Variants in LRRC53 observed in about 807,000 individuals in gnomAD.
LRRC53 encodes the protein leucine-rich repeat-containing protein 53.
LRRC53 carries 25 observed loss-of-function variants against 13.6 expected under a neutral mutation model. That is an observed-to-expected ratio of 1.83 (90% CI 1.34 to 2.56). The LOEUF (loss-of-function observed/expected upper bound fraction) is 2.56. Among genes scored for constraint, LRRC53 ranks in the 30% most tolerant of loss-of-function variants. LRRC53 has a pLI of 0.00. For synonymous variants in LRRC53, 204 were observed against 109.8 expected (o/e 1.86, Z -5.37); for missense variants, 527 against 275.8 (o/e 1.91, Z -6.45).
the LRRC53 span, among the ~76,000 whole-genome samples, chr1:74,533,284 T>G: frequency 6.6e-6 from 1 of 152,228 alleles, no homozygotes; most frequent in Middle Eastern, 3.4e-3. Flanking sequence ...AAGAAGACAT[T>G]TATGCAGCCA....
intron 1 of LRRC53, among the ~76,000 whole-genome samples, chr1:74,498,300 A>G (rs747832664): frequency 1.3e-5 from 2 of 152,112 alleles, no homozygotes; most frequent in Non-Finnish European, 2.9e-5. Context: ...AATTATCTCA[A>G]TCAGCGTAAT....
chr1:74,481,748 A>G (rs906870186), intron 2 of LRRC53, among the ~76,000 whole-genome samples: 12 of 152,324 alleles, frequency 7.9e-5, no homozygotes, highest in Middle Eastern at 3.4e-3. Context: ...TTTTAACTCA[A>G]TAAAGAAGTA....
intron 1 of LRRC53, among the ~76,000 whole-genome samples, chr1:74,501,262 C>T (rs1669610268): frequency 6.6e-6 from 1 of 152,080 alleles, no homozygotes; most frequent in South Asian, 2.1e-4. Flanking sequence ...GTGTTGTTTA[C>T]TTTGTTCATT....
At chr1:74,490,882 G>C (rs528442181) in intron 1 of LRRC53, among the ~76,000 whole-genome samples, 2 of 152,274 alleles carry the variant, frequency 1.3e-5, no homozygotes, top group East Asian at 3.9e-4. Context: ...TCCTGCAGCA[G>C]AGCCAAAGAA....
chr1:74,493,001 A>G (rs1466917888), intron 1 of LRRC53, among the ~76,000 whole-genome samples: 1 of 152,042 alleles, frequency 6.6e-6, no homozygotes, highest in African/African-American at 2.4e-5. Context: ...TTATCTTCTT[A>G]TAAGGGCACC....
At chr1:74,494,396 T>G (rs1238567001) in intron 1 of LRRC53, among the ~76,000 whole-genome samples, 1 of 152,334 alleles carries the variant, frequency 6.6e-6, no homozygotes, top group East Asian at 1.9e-4. Flanking sequence ...GTCTTTAATC[T>G]ATAAAATGTC....
At chr1:74,479,167 C>T (rs1430790598) in intron 3 of LRRC53, among the ~76,000 whole-genome samples, 1 of 152,138 alleles carries the variant, frequency 6.6e-6, no homozygotes, top group African/African-American at 2.4e-5. Flanking sequence ...TCTCTCCCCA[C>T]CCCCTCATCA....
rs527600057 is a variant in LRRC53 at position 74,473,158 on chromosome 1, C to T, written c.1421-957G>A. Among the ~76,000 whole-genome samples the T allele has an allele frequency of 2.1e-4, 32 of 152,262 alleles. No homozygotes were observed. In the East Asian group the frequency reaches 6.2e-3, roughly 29 times the overall value. ...CACATGCTAAGAGCTAGGCATTGTG[C>T]TCATAATGTACGTTCATCATCTCTT... is the stretch of plus-strand genomic sequence containing the variant. On this transcript the variant is annotated intron_variant, in intron 4 of 4. Coordinates refer to ENST00000294635, the MANE Select transcript of LRRC53 (RefSeq NM_001382280.1).
the LRRC53 span, among the ~76,000 whole-genome samples, chr1:74,519,560 T>C: frequency 6.9e-3 from 876 of 126,348 alleles, 32 homozygotes; most frequent in Non-Finnish European, 8.4e-3. Flanking sequence ...TCCTGACTTT[T>C]TAATGATTGC....
upstream of LRRC53, among the ~76,000 whole-genome samples, chr1:74,515,089 T>C (rs1037488312): frequency 1.3e-5 from 2 of 152,194 alleles, no homozygotes; most frequent in Non-Finnish European, 2.9e-5. Flanking sequence ...CTCAGAATAT[T>C]CCTTCAGAAA....
rs116308490 is a variant in LRRC53 at position 74,498,095 on chromosome 1, T to C, written c.-27+14431A>G. On this transcript the variant is annotated intron_variant, in intron 1 of 4. Transcript: ENST00000294635. ...GGTTTCTCCAATGTTTTGGGCAATC[T>C]CAAAAAACAAAAAATTATCTTACAC... is the stretch of plus-strand genomic sequence containing the variant. 9.1e-3 allele frequency among the ~76,000 whole-genome samples: 1,385 copies of C among 152,234 alleles called. 24 individuals are homozygous for C. Among genetic ancestry groups the C allele is most frequent in the African/African-American group, 0.032 (1,339 of 41,542 alleles).
At chr1:74,490,159 C>T (rs1278779751) in intron 1 of LRRC53, among the ~76,000 whole-genome samples, 3 of 150,494 alleles carry the variant, frequency 2.0e-5, no homozygotes, top group African/African-American at 7.3e-5. Flanking sequence ...TCTCATGACT[C>T]TTTGCTGGAA....
intron 3 of LRRC53, among the ~76,000 whole-genome samples, 162 bp from the exon 4 acceptor site, chr1:74,475,972 A>G (rs958012098): frequency 2.0e-5 from 3 of 152,178 alleles, no homozygotes; most frequent in Non-Finnish European, 2.9e-5. Flanking sequence ...GACAGAGGCT[A>G]CCATTGACAT....
At chr1:74,526,900 AC>A in the LRRC53 span, among the ~76,000 whole-genome samples, 1 of 152,224 alleles carries the variant, frequency 6.6e-6, no homozygotes, top group African/African-American at 2.4e-5. Context: ...GAATACAGCC[AC>A]ACTCATTTGT....
intron 3 of LRRC53, among the ~76,000 whole-genome samples, chr1:74,479,486 C>A (rs1668371983): frequency 6.6e-6 from 1 of 152,102 alleles, no homozygotes; most frequent in African/African-American, 2.4e-5. Flanking sequence ...CAAAACCACC[C>A]AACAGGAGGA....
intron 1 of LRRC53, among the ~76,000 whole-genome samples, chr1:74,499,543 G>A (rs1669503067): frequency 6.6e-6 from 1 of 151,946 alleles, no homozygotes. Flanking sequence ...TAGGAATATA[G>A]GTATAAGAAA....
At chr1:74,503,384 TA>T (rs1481186423) in intron 1 of LRRC53, among the ~76,000 whole-genome samples, 67 of 152,244 alleles carry the variant, frequency 4.4e-4, no homozygotes, top group Non-Finnish European at 8.8e-5. Context: ...TGAAATATGA[TA>T]TCTATAGAAT....
intron 1 of LRRC53, among the ~76,000 whole-genome samples, chr1:74,489,444 T>A (rs1336277271): frequency 1.3e-5 from 2 of 152,212 alleles, no homozygotes; most frequent in East Asian, 3.9e-4. Context: ...AAAGTCAGAG[T>A]GAATTCGAGA....
the LRRC53 span, among the ~76,000 whole-genome samples, chr1:74,520,614 CA>C: frequency 0.011 from 1,661 of 147,028 alleles, 15 homozygotes; most frequent in Non-Finnish European, 0.014. Context: ...CTCACAACTT[CA>C]AAAAAAAAAT....
Sources: gnomAD v4.1 joint callset for allele counts (sites outside exome capture counted in the v4.1 genomes callset) on GRCh38, gnomAD v4.1.1 for gene constraint, MANE v1.5 for transcripts, NCBI Gene and HGNC (gene_info 2026-07-23, HGNC 2026-07-21) for gene names.